NTN1: variants seen among roughly 807,000 people sequenced by gnomAD.
NTN1 encodes netrin 1, also known as netrin-1.
Under a neutral mutation model 54.2 loss-of-function variants are expected in NTN1, and 11 were observed. The observed-to-expected ratio is 0.20, with a 90% CI of 0.13 to 0.34. NTN1 has a LOEUF of 0.34. Ranked by LOEUF, NTN1 falls within the 10% of genes least tolerant of loss-of-function variation. The pLI, the probability that NTN1 is intolerant of heterozygous loss-of-function variation, is 1.00. For missense variants in NTN1, 740 were observed against 893.1 expected (o/e 0.83, Z 2.18); for synonymous variants, 371 against 382.0 (o/e 0.97, Z 0.33).
Position 9,135,774 on chromosome 17 carries a change from T to A in NTN1, c.1019-27039T>A, listed in dbSNP as rs1301073172. On this transcript the variant is annotated intron_variant, in intron 2 of 6. Transcript: ENST00000173229. The surrounding 1 kb of genome is among the most constrained non-coding windows in gnomAD (Gnocchi z 4.4). ...AGAGCCCTTTCCTGGCAATCTGTTCTGGCTTCCAGCATTCCAGGGCATTGG... is the reference window on the plus strand; with the variant it reads ...AGAGCCCTTTCCTGGCAATCTGTTCAGGCTTCCAGCATTCCAGGGCATTGG... Among the ~76,000 whole-genome samples, 1 of 152,182 alleles carries A rather than the reference T, an allele frequency of 6.6e-6. No individual in the cohort carries two copies. The highest frequency in any genetic ancestry group is 1.5e-5 in the Non-Finnish European group (1 of 68,030).
chr17:9,010,328 T>C, the NTN1 span, among the ~76,000 whole-genome samples: 2 of 152,144 alleles, frequency 1.3e-5, no homozygotes, highest in African/African-American at 2.4e-5. Context: ...GTGATCTGGG[T>C]TGTAACGGGT....
At chr17:9,238,440 G>T (rs1343112372) in intron 6 of NTN1, among the ~76,000 whole-genome samples, 3 of 152,126 alleles carry the variant, frequency 2.0e-5, no homozygotes, top group Admixed American at 2.0e-4. Flanking sequence ...GGGAGTGAGT[G>T]GATGGCTGTT....
rs1054816451 is a variant in NTN1 at position 9,121,554 on chromosome 17, G to A, written c.1019-41259G>A. Among the ~76,000 whole-genome samples the A allele has an allele frequency of 5.3e-5, 8 of 152,160 alleles. No homozygotes were observed. The South Asian group carries it at 6.2e-4, about 12-fold the overall frequency. ...TTATTCTGGCACTGTGATCACTGGCGCTCACTCACATGCTCTCTGCAGAGG... is the reference window on the plus strand; with the variant it reads ...TTATTCTGGCACTGTGATCACTGGCACTCACTCACATGCTCTCTGCAGAGG... On this transcript the variant is annotated intron_variant, in intron 2 of 6. Transcript: ENST00000173229.
At chr17:9,204,539 C>T (rs967923528) in intron 5 of NTN1, among the ~76,000 whole-genome samples, 2 of 152,224 alleles carry the variant, frequency 1.3e-5, no homozygotes, top group African/African-American at 2.4e-5. Flanking sequence ...ATGTGATCTG[C>T]CTGCCTCGGC....
chr17:9,240,147 A>C lies in NTN1; in HGVS notation c.*179A>C. ...CTCGGCGGCCCCTCCCCCTACCCCC[A>C]CCCTGCGCGCTCTGGGCGGGAGCCG... is the stretch of plus-strand genomic sequence containing the variant. On this transcript the variant is annotated 3_prime_UTR_variant, in exon 7 of 7. Transcript: ENST00000173229. 1 of 246,452 alleles carries C rather than the reference A, an allele frequency of 4.1e-6. No homozygotes were observed. Among genetic ancestry groups the C allele is most frequent in the African/African-American group, 2.3e-5 (1 of 42,908 alleles). 15.3% of individuals were successfully genotyped at this position (246,452 alleles called of 1,614,324 possible).
intron 2 of NTN1, among the ~76,000 whole-genome samples, chr17:9,159,822 T>A (rs550393015): frequency 1.6e-4 from 25 of 151,692 alleles, no homozygotes; most frequent in East Asian, 5.8e-4. Flanking sequence ...TAAATAAATA[T>A]AAATAAAAAT....
At chr17:9,177,254 G>A (rs3785977) in intron 3 of NTN1, 58,825 of 152,088 alleles carry the variant, frequency 0.39, 12,167 homozygotes, top group East Asian at 0.74. Flanking sequence ...GCCATTACCG[G>A]GGACGGCCCT....
At chr17:9,047,060 T>C (rs2091943501) in intron 2 of NTN1, among the ~76,000 whole-genome samples, 1 of 152,252 alleles carries the variant, frequency 6.6e-6, no homozygotes, top group Non-Finnish European at 1.5e-5. Context: ...ATACATATCT[T>C]AATTTTAAAA....
intron 2 of NTN1, among the ~76,000 whole-genome samples, chr17:9,024,897 G>C (rs769306977): frequency 2.0e-5 from 3 of 152,212 alleles, no homozygotes; most frequent in Non-Finnish European, 4.4e-5. Flanking sequence ...TAGTCTTCTA[G>C]AATAAAATTC....
chr17:9,118,003 G>A (rs1339376344), intron 2 of NTN1, among the ~76,000 whole-genome samples: 1 of 152,184 alleles, frequency 6.6e-6, no homozygotes, highest in Non-Finnish European at 1.5e-5. Context: ...CAAGAGCGTA[G>A]CTCATGGGGC....
chr17:9,118,868 A>C (rs2092223498), intron 2 of NTN1, among the ~76,000 whole-genome samples: 1 of 152,138 alleles, frequency 6.6e-6, no homozygotes, highest in Admixed American at 6.5e-5. Flanking sequence ...TCCATTGTAG[A>C]GATATATTGC....
At chr17:9,092,521 A>T (rs1409355202) in intron 2 of NTN1, among the ~76,000 whole-genome samples, 1 of 151,632 alleles carries the variant, frequency 6.6e-6, no homozygotes, top group African/African-American at 2.4e-5. Context: ...AGCTCCTGGC[A>T]TCCAGTGATC....
intron 6 of NTN1, among the ~76,000 whole-genome samples, chr17:9,229,877 C>A (rs61023537): frequency 0.016 from 2,404 of 152,202 alleles, 63 homozygotes; most frequent in African/African-American, 0.055. Flanking sequence ...ATGACCGTAG[C>A]TCACTATGGA....
the NTN1 span, among the ~76,000 whole-genome samples, chr17:9,003,670 C>T: frequency 6.6e-6 from 1 of 151,544 alleles, no homozygotes; most frequent in South Asian, 2.1e-4. This position sits in a 1 kb window ranked among gnomAD's most constrained non-coding sequence, Gnocchi z 7.4. Context: ...CATCTCCAGC[C>T]GCTCGCTATT....
At chr17:9,086,607 G>A (rs2092090806) in intron 2 of NTN1, among the ~76,000 whole-genome samples, 1 of 152,218 alleles carries the variant, frequency 6.6e-6, no homozygotes, top group Non-Finnish European at 1.5e-5. Flanking sequence ...CTTCCTGGAG[G>A]AAATGAAATT....
chr17:9,155,258 C>CA (rs1318844304), intron 2 of NTN1, among the ~76,000 whole-genome samples: 1 of 152,236 alleles, frequency 6.6e-6, no homozygotes, highest in Non-Finnish European at 1.5e-5. Context: ...GTCACACCAG[C>CA]ACCTGGCCCT....
At chr17:9,223,556 C>CA (rs369166076) in intron 6 of NTN1, among the ~76,000 whole-genome samples, 2,103 of 149,208 alleles carry the variant, frequency 0.014, 68 homozygotes, top group African/African-American at 0.048. Flanking sequence ...GACTCTGTCT[C>CA]AAAAAAAAGA....
intron 2 of NTN1, among the ~76,000 whole-genome samples, chr17:9,083,697 G>A (rs774087771): frequency 6.6e-6 from 1 of 152,196 alleles, no homozygotes; most frequent in Non-Finnish European, 1.5e-5. Flanking sequence ...ACCAAAGGAT[G>A]ATATTGAGAC....
chr17:9,037,534 A>G (rs1308992549), intron 2 of NTN1, among the ~76,000 whole-genome samples: 1 of 152,210 alleles, frequency 6.6e-6, no homozygotes, highest in Non-Finnish European at 1.5e-5. Context: ...GACTAGGACC[A>G]AATTTTCCAT....
Sources: gnomAD v4.1 joint callset for allele counts (sites outside exome capture counted in the v4.1 genomes callset) on GRCh38, gnomAD v4.1.1 for gene constraint, Gnocchi (gnomAD v3.1) non-coding constraint, MANE v1.5 for transcripts, NCBI Gene and HGNC (gene_info 2026-07-23, HGNC 2026-07-21) for gene names.